SYNPR: variants seen among roughly 807,000 people sequenced by gnomAD.
The protein encoded by SYNPR is synaptoporin.
A neutral mutation model predicts 32.9 loss-of-function variants in SYNPR; 23 were observed. The observed-to-expected ratio is 0.70, with a 90% CI of 0.50 to 0.99. The LOEUF (loss-of-function observed/expected upper bound fraction) is 0.99. Among genes scored for constraint, SYNPR ranks in the 50% least tolerant of loss-of-function variants. The probability of loss-of-function intolerance (pLI) is 0.00; values close to 1 mark genes in which losing one functional copy is unlikely to be tolerated. For synonymous variants in SYNPR, 146 were observed against 135.9 expected (o/e 1.07, Z -0.52); for missense variants, 318 against 349.3 (o/e 0.91, Z 0.71).
At chr3:63,405,881 T>C (rs1188316011) in intron 2 of SYNPR, among the ~76,000 whole-genome samples, 1 of 152,196 alleles carries the variant, frequency 6.6e-6, no homozygotes, top group South Asian at 2.1e-4. Flanking sequence ...AATAATAACT[T>C]AGTAACAATG....
chr3:63,334,608 C>T (rs1157893675), intron 2 of SYNPR, among the ~76,000 whole-genome samples: 1 of 151,890 alleles, frequency 6.6e-6, no homozygotes, highest in Non-Finnish European at 1.5e-5. Context: ...CTTCACTAGT[C>T]ACAAGCACTT....
At chr3:63,302,313 A>T (rs1231254984) in intron 2 of SYNPR, among the ~76,000 whole-genome samples, 4 of 151,992 alleles carry the variant, frequency 2.6e-5, no homozygotes. Flanking sequence ...TCAGACAGAG[A>T]AGTAGGAAGA....
chr3:63,349,301 C>A (rs914411923), intron 2 of SYNPR, among the ~76,000 whole-genome samples: 1 of 151,682 alleles, frequency 6.6e-6, no homozygotes, highest in Admixed American at 6.6e-5. Context: ...CGGGTTTCAC[C>A]ATGTTGGTCA....
intron 2 of SYNPR, among the ~76,000 whole-genome samples, chr3:63,289,048 T>C (rs1331697489): frequency 3.3e-5 from 5 of 152,276 alleles, no homozygotes; most frequent in Admixed American, 6.5e-5. Flanking sequence ...TCTTTTGGTG[T>C]TGTGATGGTT....
At chr3:63,432,044 A>C (rs1559497810) in intron 2 of SYNPR, among the ~76,000 whole-genome samples, 1 of 152,150 alleles carries the variant, frequency 6.6e-6, no homozygotes, top group Non-Finnish European at 1.5e-5. Context: ...TGATGCTTGC[A>C]GGAGCCAATA....
At chr3:63,450,905 G>A (rs6790210) in intron 2 of SYNPR, among the ~76,000 whole-genome samples, 30,725 of 152,072 alleles carry the variant, frequency 0.2, 4,288 homozygotes, top group African/African-American at 0.38. Flanking sequence ...CAAGATAAAA[G>A]GCCTTTCAAG....
At chr3:63,245,218 AT>A (rs1248278255) in intron 1 of SYNPR, among the ~76,000 whole-genome samples, 1 of 152,032 alleles carries the variant, frequency 6.6e-6, no homozygotes, top group African/African-American at 2.4e-5. Context: ...CTAGAATATG[AT>A]TTTTCCTGAA....
chr3:63,410,635 T>G (rs1288678502), intron 2 of SYNPR, among the ~76,000 whole-genome samples: 1 of 152,198 alleles, frequency 6.6e-6, no homozygotes, highest in Non-Finnish European at 1.5e-5. Context: ...GCAGAATTTT[T>G]CCAACTGATG....
intron 3 of SYNPR, among the ~76,000 whole-genome samples, chr3:63,269,489 A>G (rs957415464): frequency 2.0e-5 from 3 of 151,208 alleles, no homozygotes; most frequent in African/African-American, 7.3e-5. Flanking sequence ...AAAAAGGAGA[A>G]AAAAAAAAGG....
chr3:63,582,918 G>A (rs546654736), intron 4 of SYNPR, among the ~76,000 whole-genome samples: 91 of 152,104 alleles, frequency 6.0e-4, no homozygotes, highest in African/African-American at 2.0e-3. Context: ...TAAGTGTCAC[G>A]CGTGTCCGTA....
chr3:63,355,267 A>T (rs1364408720), intron 2 of SYNPR, among the ~76,000 whole-genome samples: 7 of 146,664 alleles, frequency 4.8e-5, no homozygotes, highest in Non-Finnish European at 7.4e-5. Flanking sequence ...TGACAGAGTG[A>T]GACCCTGTCA....
At chr3:63,392,149 A>T (rs943611423) in intron 2 of SYNPR, among the ~76,000 whole-genome samples, 4 of 152,212 alleles carry the variant, frequency 2.6e-5, no homozygotes, top group African/African-American at 7.2e-5. Flanking sequence ...AAAACATGAG[A>T]ATCAGTCCCA....
At chr3:63,241,217 T>G (rs2086239633) in intron 1 of SYNPR, among the ~76,000 whole-genome samples, 1 of 152,028 alleles carries the variant, frequency 6.6e-6, no homozygotes, top group South Asian at 2.1e-4. Flanking sequence ...AATGGAGAGG[T>G]CAAGGAGACC....
chr3:63,297,221 C>A (rs2086798354), intron 2 of SYNPR, among the ~76,000 whole-genome samples: 1 of 152,204 alleles, frequency 6.6e-6, no homozygotes, highest in Admixed American at 6.5e-5. Context: ...ATTTATTGTT[C>A]AACACATCAC....
At chr3:63,474,334 G>T (rs187574058) in intron 2 of SYNPR, among the ~76,000 whole-genome samples, 2 of 152,326 alleles carry the variant, frequency 1.3e-5, no homozygotes, top group East Asian at 3.9e-4. Context: ...TGTGAGGAAG[G>T]AAGTCTTTGG....
chr3:63,483,460 A>G lies in SYNPR; in HGVS notation c.209+2504A>G, dbSNP rs144844151. Among the ~76,000 whole-genome samples, 673 of 152,286 alleles carry G rather than the reference A, an allele frequency of 4.4e-3. 5 individuals are homozygous for G. The highest frequency in any genetic ancestry group is 0.015 in the African/African-American group (613 of 41,586). On this transcript the variant is annotated intron_variant, in intron 3 of 5. Transcript: ENST00000478300. ...GTATGTATATGTGTGTAAAATATAA[A>G]TTCTGGAAGGATACAGACAAACAGT...
At chr3:63,529,618 T>C (rs1481864811) in intron 3 of SYNPR, among the ~76,000 whole-genome samples, 4 of 152,202 alleles carry the variant, frequency 2.6e-5, no homozygotes, top group African/African-American at 9.7e-5. Flanking sequence ...TTGAAATCCA[T>C]AGAAGTTGAT....
intron 4 of SYNPR, among the ~76,000 whole-genome samples, chr3:63,575,894 T>C (rs1702971572): frequency 6.6e-6 from 1 of 152,206 alleles, no homozygotes; most frequent in Non-Finnish European, 1.5e-5. Context: ...TGCTAAACTC[T>C]ATTTCAGTAA....
chr3:63,223,535 C>G (rs376388129), upstream of SYNPR, among the ~76,000 whole-genome samples: 2 of 151,990 alleles, frequency 1.3e-5, no homozygotes, highest in Admixed American at 6.6e-5. Context: ...AACAGACTAT[C>G]GCCATGGTTT....
Sources: gnomAD v4.1 joint callset for allele counts (sites outside exome capture counted in the v4.1 genomes callset) on GRCh38, gnomAD v4.1.1 for gene constraint, MANE v1.5 for transcripts, NCBI Gene and HGNC (gene_info 2026-07-23, HGNC 2026-07-21) for gene names.